The following ERP44 variants were observed in gnomAD, a reference collection of about 807,000 sequenced individuals.
ERP44 encodes the protein endoplasmic reticulum resident protein 44.
A neutral mutation model predicts 53.4 loss-of-function variants in ERP44; 25 were observed. The observed-to-expected ratio is 0.47, with a 90% confidence interval of 0.34 to 0.65. The LOEUF (loss-of-function observed/expected upper bound fraction) is 0.65. Among genes scored for constraint, ERP44 ranks in the 30% least tolerant of loss-of-function variants. The probability of loss-of-function intolerance (pLI) is 0.01; values close to 1 mark genes in which losing one functional copy is unlikely to be tolerated. For missense variants in ERP44, 338 were observed against 493.2 expected (o/e 0.69, Z 2.98); for synonymous variants, 145 against 161.2 (o/e 0.90, Z 0.76).
At position 100,098,804 on chromosome 9, in the gene ERP44, T is replaced by C. The variant is rs1826700254; in HGVS notation, c.37A>G (p.Arg13Gly). The C allele has an allele frequency of 1.9e-6, 3 of 1,613,726 alleles. No individual in the cohort carries two copies. Among genetic ancestry groups the C allele is most frequent in the Admixed American group, 1.7e-5 (1 of 59,974 alleles). ...CTCACCAGGAGCAGAAGGGAGCATC[T>C]GAGGTCGGGTAAGGATAGGAAGACG... ...PAVFLSLPDLRCSLLLLVTWV... is the reference protein window; with the variant it reads ...PAVFLSLPDLGCSLLLLVTWV... The change falls in exon 1 of 12, where the codon AGA becomes GGA. Residue 13 changes from arginine to glycine, a missense_variant. Transcript: ENST00000262455.
At position 99,982,625 on chromosome 9, in the gene ERP44, C is replaced by T. The variant is rs746106972; in HGVS notation, c.1208G>A (p.Arg403Gln). ...TTTTTCAAGTTTTTAAAGCTCATCTCGATCCCTCAATAGAGTATACCTATA... is the reference window on the plus strand; with the variant it reads ...TTTTTCAAGTTTTTAAAGCTCATCTTGATCCCTCAATAGAGTATACCTATA... ...SEYRYTLLRD[R>Q]DEL The change falls in exon 12 of 12, where the codon CGA becomes CAA. Residue 403 changes from arginine to glutamine, a missense_variant. Physicochemically the swap from Arg to Gln is conservative, Grantham distance 43. Coordinates refer to ENST00000262455, the MANE Select transcript of ERP44 (RefSeq NM_015051.3). The T allele has an allele frequency of 1.3e-6, 2 of 1,558,216 alleles. No individual in the cohort carries two copies. The highest frequency in any genetic ancestry group is 8.7e-7 in the Non-Finnish European group (1 of 1,155,318).
chr9:100,040,200 C>T (rs573878501), intron 4 of ERP44, among the ~76,000 whole-genome samples: 4 of 152,182 alleles, frequency 2.6e-5, no homozygotes, highest in African/African-American at 7.2e-5. Context: ...ACACTAAAAC[C>T]GGACAAAGGC....
At chr9:100,052,594 G>A (rs918185057) in intron 3 of ERP44, 62 bp from the exon 4 acceptor site, 46 of 697,112 alleles carry the variant, frequency 6.6e-5, no homozygotes, top group African/African-American at 3.0e-4. Flanking sequence ...TCTTATTTCC[G>A]TTATTGCCCA....
At chr9:100,053,311 T>A (rs2118709010) in intron 3 of ERP44, among the ~76,000 whole-genome samples, 1 of 152,314 alleles carries the variant, frequency 6.6e-6, no homozygotes. Context: ...TATATTTTCT[T>A]TTTTCTTTTA....
chr9:100,058,114 T>G (rs1313013401), intron 2 of ERP44, among the ~76,000 whole-genome samples: 1 of 152,166 alleles, frequency 6.6e-6, no homozygotes, highest in African/African-American at 2.4e-5. Context: ...CTCACTCTAT[T>G]GCCCAGGCTA....
chr9:100,075,878 C>T (rs1156834928), intron 1 of ERP44, among the ~76,000 whole-genome samples: 1 of 152,166 alleles, frequency 6.6e-6, no homozygotes, highest in East Asian at 1.9e-4. Flanking sequence ...CAGAAGACGG[C>T]TCTGCAACAG....
chr9:100,003,135 T>G (rs949531115), intron 10 of ERP44, among the ~76,000 whole-genome samples: 2 of 152,226 alleles, frequency 1.3e-5, no homozygotes, highest in African/African-American at 4.8e-5. Flanking sequence ...TTGTTTAATT[T>G]TTAAGAAATA....
At chr9:99,996,446 C>T (rs1485611489) in intron 10 of ERP44, among the ~76,000 whole-genome samples, 2 of 152,156 alleles carry the variant, frequency 1.3e-5, no homozygotes, top group Non-Finnish European at 2.9e-5. Flanking sequence ...GCCTGTAGAA[C>T]CATAAGCTAA....
intron 4 of ERP44, among the ~76,000 whole-genome samples, chr9:100,034,448 T>C (rs1279428002): frequency 6.6e-6 from 1 of 152,192 alleles, no homozygotes; most frequent in Non-Finnish European, 1.5e-5. Flanking sequence ...TTGTTTAGCA[T>C]ATAATAAAGA....
intron 1 of ERP44, among the ~76,000 whole-genome samples, chr9:100,093,857 C>G (rs1282827493): frequency 6.6e-6 from 1 of 152,176 alleles, no homozygotes; most frequent in Non-Finnish European, 1.5e-5. Context: ...ATCAGACTGA[C>G]AAATACCCAA....
At chr9:100,021,129 C>T (rs1830584394) in intron 5 of ERP44, among the ~76,000 whole-genome samples, 2 of 152,106 alleles carry the variant, frequency 1.3e-5, no homozygotes, top group African/African-American at 4.8e-5. Context: ...CTGGGTACAC[C>T]AAAAAATGCA....
At chr9:100,050,049 A>C (rs1826019701) in intron 4 of ERP44, among the ~76,000 whole-genome samples, 1 of 151,788 alleles carries the variant, frequency 6.6e-6, no homozygotes, top group Non-Finnish European at 1.5e-5. Flanking sequence ...AAAAAAAAAA[A>C]AACCCAGACA....
At chr9:100,037,219 C>T (rs981027630) in intron 4 of ERP44, among the ~76,000 whole-genome samples, 4 of 152,150 alleles carry the variant, frequency 2.6e-5, no homozygotes, top group Admixed American at 1.3e-4. Context: ...GAACTCAGGG[C>T]TTCCCTGTTA....
At position 100,006,542 on chromosome 9, in the gene ERP44, C is replaced by T; in HGVS notation, c.980G>A (p.Arg327Lys). ...DCPVIAIDSFRHMYVFGDFKD... is the reference protein window; with the variant it reads ...DCPVIAIDSFKHMYVFGDFKD... ...GAAGTCTCCAAACACATACATATGC[C>T]TAAAGCTGTCAATAGCGATTACAGG... The change falls in exon 10 of 12, where the codon AGG (arginine) becomes AAG (lysine). Residue 327 changes from arginine to lysine, a missense_variant. Around this residue, in one of 3 missense-constraint regions of ERP44, gnomAD observed 113 missense variants for 172.6 expected, o/e 0.65. Transcript: ENST00000262455. 1 of 1,611,406 alleles carries T rather than the reference C, an allele frequency of 6.2e-7. No homozygotes were observed.
rs552027745 is a variant in ERP44 at position 100,091,693 on chromosome 9, A to G, written c.57+7091T>C. On this transcript the variant is annotated intron_variant, in intron 1 of 11. Coordinates refer to ENST00000262455, the MANE Select transcript of ERP44 (RefSeq NM_015051.3). ...GCAATATTCAAATTCATCTTTTTCCAAGACTACTCTGATTCCTCCACTGAG... is the reference window on the plus strand; with the variant it reads ...GCAATATTCAAATTCATCTTTTTCCGAGACTACTCTGATTCCTCCACTGAG... Among the ~76,000 whole-genome samples the G allele has an allele frequency of 9.8e-5, 15 of 152,328 alleles. No homozygotes were observed. In the East Asian group the frequency reaches 2.9e-3, roughly 29 times the overall value.
At chr9:100,052,670 A>G in intron 3 of ERP44, 138 bp from the exon 4 acceptor site, 2 of 509,740 alleles carry the variant, frequency 3.9e-6, no homozygotes, top group Admixed American at 3.5e-5. Context: ...TTAATCATGG[A>G]CCCTGACATC....
intron 3 of ERP44, among the ~76,000 whole-genome samples, chr9:100,056,023 T>C (rs1446528771): frequency 6.6e-6 from 1 of 152,188 alleles, no homozygotes; most frequent in African/African-American, 2.4e-5. Context: ...TTAGGTAATG[T>C]TTTCCCAAAT....
intron 1 of ERP44, among the ~76,000 whole-genome samples, chr9:100,079,061 A>T (rs1826390761): frequency 6.6e-6 from 1 of 152,150 alleles, no homozygotes; most frequent in African/African-American, 2.4e-5. Flanking sequence ...GGCTTGAAGG[A>T]TGCAAAGTAT....
At position 100,089,453 on chromosome 9, in the gene ERP44, T is replaced by C. The variant is rs766175054; in HGVS notation, c.57+9331A>G. Among the ~76,000 whole-genome samples the C allele has an allele frequency of 3.3e-5, 5 of 151,494 alleles. No individual in the cohort carries two copies. In the South Asian group the frequency reaches 8.3e-4, roughly 25 times the overall value. On this transcript the variant is annotated intron_variant, in intron 1 of 11. Transcript: ENST00000262455. ...AAAATTAGCTGGGTGTAGTGGCGAG[T>C]GCCTGTAATCCCAGCTACTCAGGAG...
Sources: gnomAD v4.1 joint callset for allele counts (sites outside exome capture counted in the v4.1 genomes callset) on GRCh38, gnomAD v4.1.1 for gene constraint, gnomAD v4.1.1 regional missense constraint, MANE v1.5 for transcripts, NCBI Gene and HGNC (gene_info 2026-07-23, HGNC 2026-07-21) for gene names.